Variants in FIGNL1 observed in about 807,000 individuals in gnomAD.
FIGNL1 encodes fidgetin like 1, also known as fidgetin-like protein 1.
FIGNL1 carries 11 observed loss-of-function variants against 28.9 expected under a neutral mutation model. The ratio of observed to expected loss-of-function variants is 0.38; its 90% CI spans 0.24 to 0.63. The LOEUF is 0.63. Among genes scored for constraint, FIGNL1 ranks in the 20% least tolerant of loss-of-function variants. FIGNL1 has a pLI of 0.57. For missense variants in FIGNL1, 789 were observed against 810.4 expected (o/e 0.97, Z 0.32); for synonymous variants, 295 against 276.5 (o/e 1.07, Z -0.66).
At chr7:50,447,453 G>A in intron 3 of FIGNL1, 156 bp from the exon 4 acceptor site, 1 of 529,490 alleles carries the variant, frequency 1.9e-6, no homozygotes, top group South Asian at 3.6e-5. Flanking sequence ...GAAATATCTA[G>A]TTAACTATAG....
rs774478588 is a variant in FIGNL1, at chr7:50,445,798, A to G, written c.1490T>C (p.Ile497Thr). ...AVARCQQPAV[I>T]FIDEIDSLLS... is the part of the protein sequence containing the mutation. ...CAAGGAATCAATTTCGTCAATAAAT[A>G]TCACAGCTGGTTGCTGACACCTTGC... Residue 497 changes from isoleucine (I) to threonine (T), a missense_variant, in exon 4 of 4, where the codon ATA (isoleucine) becomes ACA (threonine). By Grantham distance (89) the Ile-to-Thr change is moderately conservative. Transcript: ENST00000433017. 4 of 1,614,128 alleles carry G rather than the reference A, an allele frequency of 2.5e-6. No homozygotes were observed. The East Asian group carries it at 8.9e-5, about 36-fold the overall frequency.
In FIGNL1 at chr7:50,445,534, T is replaced by C. The variant is rs371928445; in HGVS notation, c.1754A>G (p.Gln585Arg). 19 of 1,614,132 alleles carry C rather than the reference T, an allele frequency of 1.2e-5. No individual in the cohort carries two copies. Among genetic ancestry groups the C allele is most frequent in the Non-Finnish European group, 1.5e-5 (18 of 1,180,038 alleles). Residue 585 changes from glutamine to arginine, a missense_variant, in exon 4 of 4, where the codon CAG becomes CGG. Physicochemically the swap from Gln to Arg is conservative, Grantham distance 43 (BLOSUM62 1). Transcript: ENST00000433017. The part of the protein sequence containing the change: ...QIVINLMSKE[Q>R]CCLSEEEIEQ... ...AATTTCTTCTTCACTGAGGCAACACTGCTCTTTGGACATTAGATTAATTAC... is the reference window on the plus strand; with the variant it reads ...AATTTCTTCTTCACTGAGGCAACACCGCTCTTTGGACATTAGATTAATTAC...
At position 50,446,988 on chromosome 7, in the gene FIGNL1, C is replaced by A; in HGVS notation, c.300G>T (p.Trp100Cys). ...AGSQQTDSDKWQSGLSINNVF... is the reference protein window; with the variant it reads ...AGSQQTDSDKCQSGLSINNVF... ...CATTATTTATTGACAATCCAGACTG[C>A]CACTTGTCACTATCTGTTTGTTGAG... The change falls in exon 4 of 4, where the codon TGG becomes TGT. Residue 100 changes from tryptophan to cysteine, a missense_variant. Coordinates refer to ENST00000433017, the MANE Select transcript of FIGNL1 (RefSeq NM_001287492.4). The A allele has an allele frequency of 6.2e-7, 1 of 1,614,198 alleles. No individual in the cohort carries two copies. The highest frequency in any genetic ancestry group is 8.5e-7 in the Non-Finnish European group (1 of 1,180,028).
At position 50,445,944 on chromosome 7, in the gene FIGNL1, A is replaced by T. The variant is rs770030966; in HGVS notation, c.1344T>A (p.Thr448=). ...LLFGPPGTGK[T]LIGKCIASQS... ...GACTAGCAATGCACTTGCCAATTAG[A>T]GTTTTACCAGTCCCAGGAGGACCAA... Residue 448 remains threonine, a synonymous_variant, in exon 4 of 4, where the codon ACT becomes ACA. Transcript: ENST00000433017. 2 of 1,614,148 alleles carry T rather than the reference A, an allele frequency of 1.2e-6. No individual in the cohort carries two copies. Among genetic ancestry groups the T allele is most frequent in the Non-Finnish European group, 1.7e-6 (2 of 1,180,022 alleles).
At position 50,445,682 on chromosome 7, in the gene FIGNL1, CAGA is replaced by C. The variant is rs1257786377; in HGVS notation, c.1603_1605del (p.Ser535del). The C allele has an allele frequency of 1.9e-6, 3 of 1,614,116 alleles. No homozygotes were observed. The highest frequency in any genetic ancestry group is 2.5e-6 in the Non-Finnish European group (3 of 1,180,034). On this transcript the variant is annotated inframe_deletion, in exon 4 of 4. Coordinates refer to ENST00000433017, the MANE Select transcript of FIGNL1 (RefSeq NM_001287492.4). ...GCTCCCACCACTAGGATACGATCTTCAGAAGATGTTGTTGCTCCATCTAATTGA... is the reference window on the plus strand; with the variant it reads ...GCTCCCACCACTAGGATACGATCTTCAGATGTTGTTGCTCCATCTAATTGA...
rs1820886801 is a variant in FIGNL1 at position 50,446,556 on chromosome 7, G to T, written c.732C>A (p.Asn244Lys). 7.4e-6 allele frequency: 12 copies of T among 1,613,994 alleles called. No homozygotes were observed. Among genetic ancestry groups the T allele is most frequent in the African/African-American group, 6.7e-5 (5 of 74,928 alleles). Reference protein sequence around the residue: ...ENIGLNVFLSNQSCFPAACEN... With the variant: ...ENIGLNVFLSKQSCFPAACEN... ...CACAGGCAGCAGGAAAACAAGACTG[G>T]TTAGATAAGAACACATTAAGTCCTA... The change falls in exon 4 of 4, where the codon AAC becomes AAA. Residue 244 changes from asparagine (N) to lysine (K), a missense_variant. By Grantham distance (94) the Asn-to-Lys change is moderately conservative (BLOSUM62 0). Coordinates refer to ENST00000433017, the MANE Select transcript of FIGNL1 (RefSeq NM_001287492.4).
At position 50,446,908 on chromosome 7, in the gene FIGNL1, T is replaced by C. The variant is rs1006802011; in HGVS notation, c.380A>G (p.Asp127Gly). 5.6e-6 allele frequency: 9 copies of C among 1,613,872 alleles called. No individual in the cohort carries two copies. In the African/African-American group the frequency reaches 1.2e-4, roughly 22 times the overall value. The change falls in exon 4 of 4, where the codon GAC becomes GGC. Residue 127 changes from aspartate (D) to glycine (G), a missense_variant. Asp to Gly is a moderately conservative substitution (Grantham distance 94). Coordinates refer to ENST00000433017, the MANE Select transcript of FIGNL1 (RefSeq NM_001287492.4). ...KMMQAGKKFK[D>G]SLLEPALASV... ...TGCAAGAGCAGGTTCCAACAGAGAGTCTTTGAATTTTTTGCCAGCTTGCAT... is the reference window on the plus strand; with the variant it reads ...TGCAAGAGCAGGTTCCAACAGAGAGCCTTTGAATTTTTTGCCAGCTTGCAT...
chr7:50,445,741 G>A lies in FIGNL1; in HGVS notation c.1547C>T (p.Ser516Phe). Residue 516 changes from serine (S) to phenylalanine (F), a missense_variant, in exon 4 of 4, where the codon TCT (serine) becomes TTT (phenylalanine). Coordinates refer to ENST00000433017, the MANE Select transcript of FIGNL1 (RefSeq NM_001287492.4). ...LSQRGDGEHE[S>F]SRRIKTEFLV... The stretch of plus-strand genomic sequence containing the variant: ...AAATTCTGTTTTTATCCTTCTAGAA[G>A]ATTCATGCTCACCATCTCCCCGTTG... 1 of 1,614,176 alleles carries A rather than the reference G, an allele frequency of 6.2e-7. No homozygotes were observed. The highest frequency in any genetic ancestry group is 8.5e-7 in the Non-Finnish European group (1 of 1,180,026).
rs144101936 is a variant in FIGNL1 at position 50,446,629 on chromosome 7, A to G, written c.659T>C (p.Leu220Ser). The change falls in exon 4 of 4, where the codon TTG (leucine) becomes TCG (serine). Residue 220 changes from leucine to serine, a missense_variant. By Grantham distance (145) the Leu-to-Ser change is moderately radical. Transcript: ENST00000433017. ...SATAKFHVTP[L>S]FGNVKKENHS... ...ATTTTCCTTTTTGACATTTCCAAAC[A>G]ATGGTGTGACATGGAATTTTGCAGT... 41 of 1,614,224 alleles carry G rather than the reference A, an allele frequency of 2.5e-5. 1 individual carries two copies. The African/African-American group carries it at 4.5e-4, about 18-fold the overall frequency.
chr7:50,445,857 C>A lies in FIGNL1; in HGVS notation c.1431G>T (p.Glu477Asp). 6.2e-7 allele frequency: 1 copy of A among 1,614,176 alleles called. No individual in the cohort carries two copies. The highest frequency in any genetic ancestry group is 8.5e-7 in the Non-Finnish European group (1 of 1,180,044). Residue 477 changes from glutamate to aspartate, a missense_variant, in exon 4 of 4, where the codon GAG (glutamate) becomes GAT (aspartate). Coordinates refer to ENST00000433017, the MANE Select transcript of FIGNL1 (RefSeq NM_001287492.4). ...ACAATGCACGGACCATTTTCTCCCC[C>A]TCACCTACCCATTTAGAAGTTAAGG... ...ASSLTSKWVG[E>D]GEKMVRALFA...
Position 50,444,163 on chromosome 7 carries a change from A to T in FIGNL1, c.*1100T>A, listed in dbSNP as rs1416634904. 6.6e-6 allele frequency: 1 copy of T among 152,234 alleles called. No individual in the cohort carries two copies. Among genetic ancestry groups the T allele is most frequent in the African/African-American group, 2.4e-5 (1 of 41,454 alleles). 9.4% of individuals were successfully genotyped at this position (152,234 alleles called of 1,614,324 possible). A position where few individuals can be genotyped will look rare whatever the true frequency, so the allele number is the denominator to read the frequency against. ...AAAGTGCATATTCTTTAATCCAGGA[A>T]TTACTCAAGAAATTTATACATTTTT... On this transcript the variant is annotated 3_prime_UTR_variant, in exon 4 of 4. Transcript: ENST00000433017.
At position 50,447,062 on chromosome 7, in the gene FIGNL1, C is replaced by G; in HGVS notation, c.226G>C (p.Glu76Gln). The G allele has an allele frequency of 6.2e-7, 1 of 1,614,200 alleles. No homozygotes were observed. Among genetic ancestry groups the G allele is most frequent in the Non-Finnish European group, 8.5e-7 (1 of 1,180,032 alleles). ...TCTGCATAATTATTCAACCCAGATT[C>G]AACATTGTCAGAATCAATAATTGCA... ...YSAIIDSDNVESGLNNYAENI... is the reference protein window; with the variant it reads ...YSAIIDSDNVQSGLNNYAENI... The change falls in exon 4 of 4, where the codon GAA (glutamate) becomes CAA (glutamine). Residue 76 changes from glutamate to glutamine, a missense_variant. Glu to Gln is a conservative substitution (Grantham distance 29). Transcript: ENST00000433017.
rs1483572763 is a variant in FIGNL1 at position 50,445,805 on chromosome 7, C to G, written c.1483G>C (p.Ala495Pro). 1 of 1,614,224 alleles carries G rather than the reference C, an allele frequency of 6.2e-7. No homozygotes were observed. Among genetic ancestry groups the G allele is most frequent in the Admixed American group, 1.7e-5 (1 of 60,034 alleles). ...LFAVARCQQPAVIFIDEIDSL... is the reference protein window; with the variant it reads ...LFAVARCQQPPVIFIDEIDSL... ...TCAATTTCGTCAATAAATATCACAG[C>G]TGGTTGCTGACACCTTGCAACAGCA... Residue 495 changes from alanine (A) to proline (P), a missense_variant, in exon 4 of 4, where the codon GCT becomes CCT. Physicochemically the swap from Ala to Pro is conservative, Grantham distance 27. Transcript: ENST00000433017.
intron 2 of FIGNL1, 77 bp from the exon 3 acceptor site, chr7:50,448,366 A>G (rs569647121): frequency 3.3e-5 from 5 of 152,362 alleles, no homozygotes; most frequent in Admixed American, 3.3e-4. Context: ...ACATTCATGA[A>G]TAAGTTCATC....
rs1375804634 is a variant in FIGNL1, at chr7:50,446,458, G to A, written c.830C>T (p.Ala277Val). The part of the protein sequence containing the change: ...DALSNPILNK[A>V]CSKTEDNGPK... ...GCCATTATCTTCTGTTTTACTACAA[G>A]CCTTATTCAGTATTGGATTGGAAAG... The change falls in exon 4 of 4, where the codon GCT (alanine) becomes GTT (valine). Residue 277 changes from alanine to valine, a missense_variant. Transcript: ENST00000433017. 3 of 1,614,150 alleles carry A rather than the reference G, an allele frequency of 1.9e-6. No homozygotes were observed. The highest frequency in any genetic ancestry group is 2.5e-6 in the Non-Finnish European group (3 of 1,180,026).
rs1050033471 is a variant in FIGNL1 at position 50,445,142 on chromosome 7, T to C, written c.*121A>G. ...TCAATCAGATGTAAAATCTGTGCTA[T>C]TATTTGAAGTACAGAACTTAGAATA... On this transcript the variant is annotated 3_prime_UTR_variant, in exon 4 of 4. Transcript: ENST00000433017. The C allele has an allele frequency of 3.2e-5, 19 of 600,422 alleles. No individual in the cohort carries two copies. The highest frequency in any genetic ancestry group is 4.2e-4 in the Middle Eastern group (1 of 2,370). The allele number at this position is 600,422 out of a possible 1,614,324, so 37.2% of individuals were successfully genotyped here. A position where few individuals can be genotyped will look rare whatever the true frequency, so the allele number is the denominator to read the frequency against.
chr7:50,446,224 C>A lies in FIGNL1; in HGVS notation c.1064G>T (p.Gly355Val), dbSNP rs765142661. The A allele has an allele frequency of 1.2e-6, 2 of 1,614,152 alleles. No homozygotes were observed. The highest frequency in any genetic ancestry group is 1.7e-6 in the Non-Finnish European group (2 of 1,180,022). Reference sequence around the variant, plus strand: ...TGCCCCATAAGGCTTACATTGCATTCCTCCATTCTGCTCTCCCCCATCTTG... The same window carrying A: ...TGCCCCATAAGGCTTACATTGCATTACTCCATTCTGCTCTCCCCCATCTTG... ...PKQDGGEQNG[G>V]MQCKPYGAGP... Residue 355 changes from glycine (G) to valine (V), a missense_variant, in exon 4 of 4, where the codon GGA becomes GTA. Coordinates refer to ENST00000433017, the MANE Select transcript of FIGNL1 (RefSeq NM_001287492.4).
Position 50,446,229 on chromosome 7 carries a change from A to C in FIGNL1, c.1059T>G (p.Asn353Lys), listed in dbSNP as rs1820768208. 1 of 1,614,022 alleles carries C rather than the reference A, an allele frequency of 6.2e-7. No homozygotes were observed. The highest frequency in any genetic ancestry group is 8.5e-7 in the Non-Finnish European group (1 of 1,180,032). ...PIPKQDGGEQ[N>K]GGMQCKPYGA... ...CATAAGGCTTACATTGCATTCCTCCATTCTGCTCTCCCCCATCTTGCTTGG... is the reference window on the plus strand; with the variant it reads ...CATAAGGCTTACATTGCATTCCTCCCTTCTGCTCTCCCCCATCTTGCTTGG... The change falls in exon 4 of 4, where the codon AAT becomes AAG. Residue 353 changes from asparagine (N) to lysine (K), a missense_variant. Physicochemically the swap from Asn to Lys is moderately conservative, Grantham distance 94. Transcript: ENST00000433017.
At chr7:50,447,735 T>G (rs181716934) in intron 3 of FIGNL1, among the ~76,000 whole-genome samples, 1 of 151,732 alleles carries the variant, frequency 6.6e-6, no homozygotes, top group East Asian at 1.9e-4. Context: ...TTATTTTTAT[T>G]TTATTATTAT....
Sources: gnomAD v4.1 joint callset for allele counts (sites outside exome capture counted in the v4.1 genomes callset) on GRCh38, gnomAD v4.1.1 for gene constraint, MANE v1.5 for transcripts, NCBI Gene and HGNC (gene_info 2026-07-23, HGNC 2026-07-21) for gene names.